Variants in CERT1 observed in about 807,000 individuals in gnomAD.
CERT1 encodes ceramide transporter 1.
A neutral mutation model predicts 87.9 loss-of-function variants in CERT1; 31 were observed. That is an observed-to-expected ratio of 0.35 (90% CI 0.27 to 0.48). The LOEUF (loss-of-function observed/expected upper bound fraction) is 0.48, where lower values mean the gene tolerates loss of function less well. Ranked by LOEUF, CERT1 falls within the 20% of genes least tolerant of loss-of-function variation. The pLI, the probability that CERT1 is intolerant of heterozygous loss-of-function variation, is 0.99. For missense variants in CERT1, 487 were observed against 758.0 expected (o/e 0.64, Z 4.20); for synonymous variants, 289 against 250.9 (o/e 1.15, Z -1.44).
At chr5:75,425,618 GGA>G (rs1763583572) in intron 4 of CERT1, 119 bp from the exon 5 acceptor site, 19 of 901,132 alleles carry the variant, frequency 2.1e-5, no homozygotes, top group Non-Finnish European at 2.9e-5. Flanking sequence ...CATGGGATAA[GGA>G]GAGCTGTCTA....
rs566634708 is a variant in CERT1 at position 75,388,537 on chromosome 5, C to T, written c.1284+1055G>A. ...GAGATCTTTCTTTTCTGATTTTCTC[C>T]ACCACTCATCTGTACTCTTCACTCA... is the stretch of plus-strand genomic sequence containing the variant. On this transcript the variant is annotated intron_variant, in intron 12 of 16. Transcript: ENST00000643780. Among the ~76,000 whole-genome samples the T allele has an allele frequency of 2.7e-4, 39 of 144,330 alleles. No homozygotes were observed. The South Asian group carries it at 8.8e-3, about 33-fold the overall frequency. The allele number at this position is 144,330 out of a possible 152,430, so 94.7% of individuals were successfully genotyped here. A position where few individuals can be genotyped will look rare whatever the true frequency, so the allele number is the denominator to read the frequency against.
chr5:75,404,291 T>TA (rs11349407), intron 8 of CERT1, among the ~76,000 whole-genome samples: 4,755 of 83,886 alleles, frequency 0.057, 245 homozygotes, highest in African/African-American at 0.15. Flanking sequence ...ACCTACTTCA[T>TA]AAAAAAAAAA....
intron 2 of CERT1, among the ~76,000 whole-genome samples, chr5:75,497,521 A>G (rs1767130977): frequency 6.6e-6 from 1 of 152,084 alleles, no homozygotes; most frequent in South Asian, 2.1e-4. Context: ...CTCATTTTGA[A>G]TTGGAGTTCC....
At chr5:75,434,468 T>C (rs928634138) in intron 3 of CERT1, among the ~76,000 whole-genome samples, 2 of 152,110 alleles carry the variant, frequency 1.3e-5, no homozygotes, top group Non-Finnish European at 2.9e-5. Flanking sequence ...GTTGTGTCTC[T>C]GCCAGGTTTT....
intron 2 of CERT1, among the ~76,000 whole-genome samples, chr5:75,472,531 G>C (rs1266664750): frequency 1.3e-5 from 2 of 152,124 alleles, no homozygotes; most frequent in Non-Finnish European, 2.9e-5. Context: ...TCTCTGATAA[G>C]GGATTAATAT....
At chr5:75,502,822 A>C (rs936990495) in intron 2 of CERT1, among the ~76,000 whole-genome samples, 2 of 152,110 alleles carry the variant, frequency 1.3e-5, no homozygotes, top group African/African-American at 4.8e-5. Flanking sequence ...CTTTTAATTG[A>C]AACAATTACA....
chr5:75,471,200 G>A (rs1486695615), intron 2 of CERT1, among the ~76,000 whole-genome samples: 7 of 152,176 alleles, frequency 4.6e-5, no homozygotes, highest in South Asian at 2.1e-4. Context: ...TGGTGATTTC[G>A]TCAGCTATAC....
intron 8 of CERT1, among the ~76,000 whole-genome samples, chr5:75,405,555 G>C (rs1414503101): frequency 2.0e-5 from 3 of 152,068 alleles, no homozygotes; most frequent in Admixed American, 2.0e-4. Context: ...ACACGTATCT[G>C]CAGAAACCTG....
chr5:75,482,821 G>A (rs1766315538), intron 2 of CERT1, among the ~76,000 whole-genome samples: 1 of 152,316 alleles, frequency 6.6e-6, no homozygotes, highest in South Asian at 2.1e-4. Flanking sequence ...TACTAGGCTT[G>A]GGGTGCCACC....
intron 11 of CERT1, among the ~76,000 whole-genome samples, chr5:75,390,353 A>C (rs893748086): frequency 3.3e-5 from 5 of 152,160 alleles, no homozygotes. Flanking sequence ...CTTTGTTCTA[A>C]ATTATTTTGG....
chr5:75,508,332 A>T lies in CERT1; in HGVS notation c.97-2216T>A, dbSNP rs540411308. Among the ~76,000 whole-genome samples the T allele has an allele frequency of 2.1e-3, 315 of 152,338 alleles. 1 individual carries two copies. The East Asian group carries it at 0.027, about 13-fold the overall frequency. ...AGTGCCTGGACATAGTATTTTCTGAATCTGAGGAAGAGTTATACATAGCTA... is the reference window on the plus strand; with the variant it reads ...AGTGCCTGGACATAGTATTTTCTGATTCTGAGGAAGAGTTATACATAGCTA... On this transcript the variant is annotated intron_variant, in intron 1 of 16. Transcript: ENST00000643780.
chr5:75,467,641 C>CAAAAAA (rs1458470572), intron 2 of CERT1, among the ~76,000 whole-genome samples: 6 of 49,976 alleles, frequency 1.2e-4, no homozygotes, highest in African/African-American at 4.0e-4. Flanking sequence ...ACTCTGTCTC[C>CAAAAAA]AAAAAAAAGA....
At chr5:75,504,726 T>G (rs1482316980) in intron 2 of CERT1, among the ~76,000 whole-genome samples, 1 of 152,028 alleles carries the variant, frequency 6.6e-6, no homozygotes, top group Non-Finnish European at 1.5e-5. Context: ...CTGACCTCTA[T>G]TTAACTGTCT....
intron 11 of CERT1, among the ~76,000 whole-genome samples, chr5:75,393,355 A>C (rs970983937): frequency 1.3e-5 from 2 of 151,970 alleles, no homozygotes; most frequent in African/African-American, 4.8e-5. Context: ...CGTTCACTCC[A>C]ATTCTAACCT....
chr5:75,454,327 A>T (rs1303521154), intron 3 of CERT1, among the ~76,000 whole-genome samples: 1 of 152,194 alleles, frequency 6.6e-6, no homozygotes, highest in Non-Finnish European at 1.5e-5. Flanking sequence ...TTGATATTGG[A>T]TTACATTCTT....
intron 11 of CERT1, among the ~76,000 whole-genome samples, chr5:75,393,113 A>G (rs963466604): frequency 2.0e-5 from 3 of 151,724 alleles, no homozygotes; most frequent in Non-Finnish European, 2.9e-5. Context: ...TCTAGGAAAT[A>G]ATGTTATAGT....
At position 75,432,094 on chromosome 5, in the gene CERT1, C is replaced by A. The variant is rs559131558; in HGVS notation, c.349-5616G>T. Among the ~76,000 whole-genome samples, 14 of 151,366 alleles carry A rather than the reference C, an allele frequency of 9.2e-5. No homozygotes were observed. In the East Asian group the frequency reaches 2.5e-3, roughly 27 times the overall value. On this transcript the variant is annotated intron_variant, in intron 3 of 16. Coordinates refer to ENST00000643780, the MANE Select transcript of CERT1 (RefSeq NM_001379029.1). ...TGAGATGAAGACTTGCTCTGTCACC[C>A]AGGCTGCAATGCAGTGGCGCGATCT...
downstream of CERT1, chr5:75,374,547 T>C (rs1011056750): frequency 4.2e-6 from 3 of 715,826 alleles, no homozygotes; most frequent in South Asian, 4.0e-5. Context: ...CCGTGCCTGA[T>C]GCGTGCCCAA....
At chr5:75,420,968 A>C (rs954246307) in intron 5 of CERT1, among the ~76,000 whole-genome samples, 1 of 152,080 alleles carries the variant, frequency 6.6e-6, no homozygotes, top group African/African-American at 2.4e-5. Flanking sequence ...ACAGGTGCAC[A>C]CCACCAGCCC....
Sources: gnomAD v4.1 joint callset for allele counts (sites outside exome capture counted in the v4.1 genomes callset) on GRCh38, gnomAD v4.1.1 for gene constraint, MANE v1.5 for transcripts, NCBI Gene and HGNC (gene_info 2026-07-23, HGNC 2026-07-21) for gene names.